The following ASIC3 variants were observed in gnomAD, a reference collection of about 807,000 sequenced individuals.
ASIC3 encodes acid-sensing ion channel 3.
ASIC3 carries 46 observed loss-of-function variants against 58.6 expected under a neutral mutation model. That is an observed-to-expected ratio of 0.79 (90% CI 0.62 to 1.00). The LOEUF (loss-of-function observed/expected upper bound fraction) is 1.00. Among genes scored for constraint, ASIC3 ranks in the 50% least tolerant of loss-of-function variants. The pLI, the probability that ASIC3 is intolerant of heterozygous loss-of-function variation, is 0.00. For missense variants in ASIC3, 770 were observed against 735.0 expected (o/e 1.05, Z -0.55); for synonymous variants, 336 against 300.2 (o/e 1.12, Z -1.23).
chr7:151,051,923 G>A, intron 7 of ASIC3, 22 bp downstream of exon 7: 1 of 1,613,270 alleles, frequency 6.2e-7, no homozygotes, highest in Non-Finnish European at 8.5e-7. Context: ...GGGCCCCCAG[G>A]GCTGGGGGGG....
In ASIC3 at chr7:151,052,662, C is replaced by G. The variant is rs1336275296; in HGVS notation, c.*10C>G. ...TGTCACACAGCTCTAGACCTGCTGT[C>G]TGTGTCCTCGGAGCCCCGCCCTGAC... is the stretch of plus-strand genomic sequence containing the variant. On this transcript the variant is annotated 3_prime_UTR_variant, in exon 11 of 11. Coordinates refer to ENST00000349064, the MANE Select transcript of ASIC3 (RefSeq NM_004769.4). This position sits in a 1 kb window ranked among gnomAD's most constrained non-coding sequence, Gnocchi z 5.0. 2 of 1,614,124 alleles carry G rather than the reference C, an allele frequency of 1.2e-6. No homozygotes were observed. The highest frequency in any genetic ancestry group is 1.7e-6 in the Non-Finnish European group (2 of 1,179,992).
At position 151,049,198 on chromosome 7, in the gene ASIC3, A is replaced by G. The variant is rs1796702979; in HGVS notation, c.313A>G (p.Asn105Asp). The change falls in exon 1 of 11, where the codon AAC becomes GAC. Residue 105 changes from asparagine (N) to aspartate (D), a missense_variant. Coordinates refer to ENST00000349064, the MANE Select transcript of ASIC3 (RefSeq NM_004769.4). Reference sequence around the variant, plus strand: ...ACTGCGCCGCTCGCGCCTAACGCCCAACGACCTGCACTGGGCTGGGTCTGC... The same window carrying G: ...ACTGCGCCGCTCGCGCCTAACGCCCGACGACCTGCACTGGGCTGGGTCTGC... ...NPLRRSRLTP[N>D]DLHWAGSALL... The G allele has an allele frequency of 3.1e-6, 5 of 1,613,366 alleles. No homozygotes were observed. The East Asian group carries it at 1.1e-4, about 36-fold the overall frequency.
rs1056127510 is a variant in ASIC3, at chr7:151,052,005, G to T, written c.1329G>T (p.Gly443=). The change falls in exon 8 of 11, where the codon GGG becomes GGT. Residue 443 remains glycine, a synonymous_variant. Coordinates refer to ENST00000349064, the MANE Select transcript of ASIC3 (RefSeq NM_004769.4). The surrounding 1 kb of genome is among the most constrained non-coding windows in gnomAD (Gnocchi z 5.0). ...ELLGDIGGQM[G]LFIGASLLTI... The stretch of plus-strand genomic sequence containing the variant: ...CAGGTGACATTGGGGGCCAGATGGG[G>T]CTGTTCATCGGGGCCAGCCTGCTCA... The T allele has an allele frequency of 6.2e-7, 1 of 1,613,498 alleles. No homozygotes were observed. Among genetic ancestry groups the T allele is most frequent in the Admixed American group, 1.7e-5 (1 of 60,004 alleles).
Position 151,048,781 on chromosome 7 carries a change from C to T in ASIC3, c.-105C>T, listed in dbSNP as rs999486479. The T allele has an allele frequency of 5.7e-6, 8 of 1,400,858 alleles. No individual in the cohort carries two copies. The African/African-American group carries it at 1.0e-4, about 18-fold the overall frequency. The allele number at this position is 1,400,858 out of a possible 1,614,324, so 86.8% of individuals were successfully genotyped here. On this transcript the variant is annotated 5_prime_UTR_variant, in exon 1 of 11. Coordinates refer to ENST00000349064, the MANE Select transcript of ASIC3 (RefSeq NM_004769.4). Reference sequence around the variant, plus strand: ...GTCTCCCACCCTCTCTTCTCCTCTCCTTGCCTGGCCTCCTGAATCCTATCT... The same window carrying T: ...GTCTCCCACCCTCTCTTCTCCTCTCTTTGCCTGGCCTCCTGAATCCTATCT...
Position 151,051,252 on chromosome 7 carries a change from C to T in ASIC3, c.1147C>T (p.Arg383Trp), listed in dbSNP as rs751732928. The part of the protein sequence containing the change: ...TRYAKELSMV[R>W]IPSRAAARFL... The stretch of plus-strand genomic sequence containing the variant: ...CTACGCCAAGGAGCTCTCCATGGTG[C>T]GGATCCCGAGCCGCGCCGCCGCGCG... Residue 383 changes from arginine (R) to tryptophan (W), a missense_variant, in exon 6 of 11, where the codon CGG becomes TGG. Coordinates refer to ENST00000349064, the MANE Select transcript of ASIC3 (RefSeq NM_004769.4). 6 of 1,546,588 alleles carry T rather than the reference C, an allele frequency of 3.9e-6. No individual in the cohort carries two copies. The African/African-American group carries it at 6.9e-5, about 18-fold the overall frequency.
At position 151,049,333 on chromosome 7, in the gene ASIC3, T is replaced by C. The variant is rs1688821179; in HGVS notation, c.448T>C (p.Tyr150His). 1.9e-6 allele frequency: 3 copies of C among 1,612,986 alleles called. No homozygotes were observed. Among genetic ancestry groups the C allele is most frequent in the African/African-American group, 2.7e-5 (2 of 74,906 alleles). The change falls in exon 1 of 11, where the codon TAT (tyrosine) becomes CAT (histidine). Residue 150 changes from tyrosine to histidine, a missense_variant. Physicochemically the swap from Tyr to His is moderately conservative, Grantham distance 83 (BLOSUM62 2). Transcript: ENST00000349064. ...PSPTFDMAQL[Y>H]ARAGHSLDDM... ...TCCCACCTTTGACATGGCGCAACTCTATGCCCGTGCTGGGCACTCCCTGGA... is the reference window on the plus strand; with the variant it reads ...TCCCACCTTTGACATGGCGCAACTCCATGCCCGTGCTGGGCACTCCCTGGA...
Position 151,052,243 on chromosome 7 carries a change from AG to A in ASIC3, c.1458+7del. On this transcript the variant is annotated splice_region_variant and intron_variant, in intron 9 of 10. Transcript: ENST00000349064. The surrounding 1 kb of genome is among the most constrained non-coding windows in gnomAD (Gnocchi z 5.0). Reference sequence around the variant, plus strand: ...GGCACTCCAGCACCAATCTGGTAACAGCCCCTCTTCTGGAGCCCTTGCCTGC... The same window carrying A: ...GGCACTCCAGCACCAATCTGGTAACACCCCTCTTCTGGAGCCCTTGCCTGC... The A allele has an allele frequency of 6.2e-7, 1 of 1,614,026 alleles. No homozygotes were observed. Among genetic ancestry groups the A allele is most frequent in the Non-Finnish European group, 8.5e-7 (1 of 1,179,988 alleles).
At position 151,052,331 on chromosome 7, in the gene ASIC3, A is replaced by C; in HGVS notation, c.1459-85A>C. 7 of 1,612,572 alleles carry C rather than the reference A, an allele frequency of 4.3e-6. No individual in the cohort carries two copies. The highest frequency in any genetic ancestry group is 5.9e-6 in the Non-Finnish European group (7 of 1,179,288). On this transcript the variant is annotated intron_variant, in intron 9 of 10. Transcript: ENST00000349064. This position sits in a 1 kb window ranked among gnomAD's most constrained non-coding sequence, Gnocchi z 5.0. ...CACCATCCCGCCCCAGCTGAGGAGAAACAGGCAGGAGGGTGTGCAGTGACC... is the reference window on the plus strand; with the variant it reads ...CACCATCCCGCCCCAGCTGAGGAGACACAGGCAGGAGGGTGTGCAGTGACC...
At chr7:151,051,142 G>T (rs772300980) in intron 5 of ASIC3, 30 bp from the exon 6 acceptor site, 2 of 1,599,258 alleles carry the variant, frequency 1.3e-6, no homozygotes, top group African/African-American at 1.3e-5. Context: ...CTCCGCCCGC[G>T]GGCGTCTGAC....
At chr7:151,051,118 T>G (rs1445703419) in intron 5 of ASIC3, 23 bp downstream of exon 5, 5 of 1,606,132 alleles carry the variant, frequency 3.1e-6, no homozygotes, top group Non-Finnish European at 4.2e-6. Flanking sequence ...CTCCCCCACC[T>G]CCCGTCCGCC....
Position 151,052,722 on chromosome 7 carries a change from C to A in ASIC3, c.*70C>A. The A allele has an allele frequency of 6.2e-7, 1 of 1,614,086 alleles. No homozygotes were observed. The highest frequency in any genetic ancestry group is 8.5e-7 in the Non-Finnish European group (1 of 1,179,960). ...ATGCCTAGCCTGCACGTAGCTTTTC[C>A]GTCTTCACCCCAAATAAAGTCCTAA... On this transcript the variant is annotated 3_prime_UTR_variant, in exon 11 of 11. Transcript: ENST00000349064. The surrounding 1 kb of genome is among the most constrained non-coding windows in gnomAD (Gnocchi z 5.0).
At chr7:151,049,813 G>T (rs554947323) in intron 1 of ASIC3, among the ~76,000 whole-genome samples, 3 of 152,296 alleles carry the variant, frequency 2.0e-5, no homozygotes, top group African/African-American at 7.2e-5. Flanking sequence ...TGCCAGCCCC[G>T]GAGGACAGCC....
intron 1 of ASIC3, 142 bp from the exon 2 acceptor site, chr7:151,049,964 A>T: frequency 9.1e-7 from 1 of 1,095,768 alleles, no homozygotes; most frequent in Non-Finnish European, 1.3e-6. Flanking sequence ...ACATGTGCCC[A>T]CTGGAGCGTG....
In ASIC3 at chr7:151,049,371, G is replaced by A; in HGVS notation, c.486G>A (p.Leu162=). 1 of 1,608,142 alleles carries A rather than the reference G, an allele frequency of 6.2e-7. No homozygotes were observed. Among genetic ancestry groups the A allele is most frequent in the Non-Finnish European group, 8.5e-7 (1 of 1,176,818 alleles). ...GGCACTCCCTGGATGACATGCTGCT[G>A]GACTGTCGCTTCCGTGGCCAACCTT... is the stretch of plus-strand genomic sequence containing the variant. ...RAGHSLDDML[L]DCRFRGQPCG... is the part of the protein sequence containing the mutation. The change falls in exon 1 of 11, where the codon CTG becomes CTA. Residue 162 remains leucine, a synonymous_variant. Transcript: ENST00000349064.
chr7:151,050,367 G>A (rs1406989766), intron 2 of ASIC3, 111 bp downstream of exon 2: 1 of 1,565,614 alleles, frequency 6.4e-7, no homozygotes, highest in Non-Finnish European at 8.7e-7. Flanking sequence ...CCTGTGAAAG[G>A]GGCTGGGCTG....
rs753806600 is a variant in ASIC3, at chr7:151,048,961, A to G, written c.76A>G (p.Met26Val). The G allele has an allele frequency of 6.2e-7, 1 of 1,600,160 alleles. No individual in the cohort carries two copies. The highest frequency in any genetic ancestry group is 1.3e-5 in the African/African-American group (1 of 74,700). Reference sequence around the variant, plus strand: ...CCGCGTGTTCGCCAGCAACTGCTCGATGCACGGGCTGGGCCACGTCTTCGG... The same window carrying G: ...CCGCGTGTTCGCCAGCAACTGCTCGGTGCACGGGCTGGGCCACGTCTTCGG... ...DIRVFASNCS[M>V]HGLGHVFGPG... The change falls in exon 1 of 11, where the codon ATG becomes GTG. Residue 26 changes from methionine to valine, a missense_variant. Met to Val is a conservative substitution (Grantham distance 21). Coordinates refer to ENST00000349064, the MANE Select transcript of ASIC3 (RefSeq NM_004769.4).
At position 151,049,233 on chromosome 7, in the gene ASIC3, C is replaced by T. The variant is rs558909266; in HGVS notation, c.348C>T (p.Gly116=). ...DLHWAGSALL[G]LDPAEHAAFL... The stretch of plus-strand genomic sequence containing the variant: ...ACTGGGCTGGGTCTGCGCTGCTGGG[C>T]CTGGATCCCGCAGAGCACGCCGCCT... The change falls in exon 1 of 11, where the codon GGC becomes GGT. Residue 116 remains glycine, a synonymous_variant. Transcript: ENST00000349064. 3.1e-6 allele frequency: 5 copies of T among 1,611,888 alleles called. No homozygotes were observed. In the South Asian group the frequency reaches 4.4e-5, roughly 14 times the overall value.
At position 151,049,173 on chromosome 7, in the gene ASIC3, A is replaced by C; in HGVS notation, c.288A>C (p.Pro96=). The part of the protein sequence containing the change: ...FPAVTLCNIN[P]LRRSRLTPND... ...CTGTCACCCTGTGCAACATCAACCC[A>C]CTGCGCCGCTCGCGCCTAACGCCCA... is the stretch of plus-strand genomic sequence containing the variant. Residue 96 remains proline, a synonymous_variant, in exon 1 of 11, where the codon CCA becomes CCC. Coordinates refer to ENST00000349064, the MANE Select transcript of ASIC3 (RefSeq NM_004769.4). 3 of 1,613,678 alleles carry C rather than the reference A, an allele frequency of 1.9e-6. No individual in the cohort carries two copies. The highest frequency in any genetic ancestry group is 2.5e-6 in the Non-Finnish European group (3 of 1,179,854).
chr7:151,050,170 C>A lies in ASIC3; in HGVS notation c.599C>A (p.Thr200Asn). ...NSGADGAELL[T>N]TTRGGMGNGL... is the part of the protein sequence containing the mutation. ...GGCGCTGATGGGGCAGAGCTGCTCA[C>A]CACTACTAGGGGTGGCATGGGCAAT... is the stretch of plus-strand genomic sequence containing the variant. Residue 200 changes from threonine (T) to asparagine (N), a missense_variant, in exon 2 of 11, where the codon ACC (threonine) becomes AAC (asparagine). Transcript: ENST00000349064. 1 of 1,614,140 alleles carries A rather than the reference C, an allele frequency of 6.2e-7. No homozygotes were observed. The highest frequency in any genetic ancestry group is 1.1e-5 in the South Asian group (1 of 91,080).
Sources: gnomAD v4.1 joint callset for allele counts (sites outside exome capture counted in the v4.1 genomes callset) on GRCh38, gnomAD v4.1.1 for gene constraint, Gnocchi (gnomAD v3.1) non-coding constraint, MANE v1.5 for transcripts, NCBI Gene and HGNC (gene_info 2026-07-23, HGNC 2026-07-21) for gene names.